Variants in APOOL observed in about 807,000 individuals in gnomAD.
APOOL encodes MICOS complex subunit MIC27.
APOOL carries 12 observed loss-of-function variants against 23.1 expected under a neutral mutation model. The observed-to-expected ratio is 0.52, with a 90% CI of 0.33 to 0.84. The LOEUF (loss-of-function observed/expected upper bound fraction) is 0.84. Among genes scored for constraint, APOOL ranks in the 40% least tolerant of loss-of-function variants. The pLI, the probability that APOOL is intolerant of heterozygous loss-of-function variation, is 0.02. For missense variants in APOOL, 212 were observed against 199.6 expected (o/e 1.06, Z -0.37); for synonymous variants, 77 against 69.9 (o/e 1.10, Z -0.51).
At chrX:85,018,590 A>G (rs1224356704) in intron 1 of APOOL, among the ~76,000 whole-genome samples, 5 of 106,780 alleles carry the variant, frequency 4.7e-5, no homozygotes. Flanking sequence ...TTTTTTTTTT[A>G]TCTTCTCAAT....
rs182130476 is a variant in APOOL at position 85,024,229 on chromosome X, T to C, written c.15+20302T>C. ...GGTAGCTTGGAGAGTGCTTTCACAG[T>C]TCAAGGAGCTTGAGGTTGCCTCATA... On this transcript the variant is annotated intron_variant, in intron 1 of 8. Transcript: ENST00000373173. Among the ~76,000 whole-genome samples, 699 of 112,074 alleles carry C rather than the reference T, an allele frequency of 6.2e-3. 5 individuals are homozygous for C. Among genetic ancestry groups the C allele is most frequent in the African/African-American group, 0.022 (674 of 30,817 alleles).
At chrX:85,030,013 A>T (rs1013018196) in intron 1 of APOOL, among the ~76,000 whole-genome samples, 4 of 112,084 alleles carry the variant, frequency 3.6e-5, no homozygotes, top group African/African-American at 1.3e-4. Flanking sequence ...CTGGGTGTCT[A>T]CCCAAAGGAG....
chrX:85,043,073 C>T (rs968386373), intron 1 of APOOL, among the ~76,000 whole-genome samples: 1 of 110,955 alleles, frequency 9.0e-6, no homozygotes, highest in Non-Finnish European at 1.9e-5. Flanking sequence ...GTGAGTCTTA[C>T]GGGTAAGTTA....
chrX:85,044,216 T>G (rs1922494841), intron 1 of APOOL, among the ~76,000 whole-genome samples: 1 of 110,662 alleles, frequency 9.0e-6, no homozygotes, highest in Admixed American at 9.7e-5. Context: ...GATTCAAGTT[T>G]AGACAGTAAG....
At chrX:85,038,638 G>C (rs1185927821) in intron 1 of APOOL, among the ~76,000 whole-genome samples, 1 of 102,553 alleles carries the variant, frequency 9.8e-6, no homozygotes, top group East Asian at 3.1e-4. Context: ...GTTCAATCTT[G>C]GGTGGTATAT....
intron 1 of APOOL, among the ~76,000 whole-genome samples, chrX:85,015,655 G>A (rs891105231): frequency 4.6e-5 from 5 of 108,302 alleles, no homozygotes; most frequent in Non-Finnish European, 5.7e-5. Context: ...TGCAACCTCC[G>A]CCTCCCGGGT....
At chrX:85,085,815 A>T (rs754031223) in intron 8 of APOOL, among the ~76,000 whole-genome samples, 15 of 111,934 alleles carry the variant, frequency 1.3e-4, no homozygotes, top group Non-Finnish European at 2.1e-4. Flanking sequence ...GTGCATTATC[A>T]TGTTTAGTAC....
chrX:85,074,288 C>A lies in APOOL; in HGVS notation c.615C>A (p.Ser205=). 8.3e-7 allele frequency: 1 copy of A among 1,210,496 alleles called. No individual in the cohort carries two copies. The highest frequency in any genetic ancestry group is 1.1e-6 in the Non-Finnish European group (1 of 894,830). ...PKEKTKLGSS[S]EIEVPAKTTH... is the part of the protein sequence containing the mutation. ...TTGGTAAACAGCTAGGATCCTCTTC[C>A]GAAATAGAAGTACCTGCAAAAACAA... Residue 205 remains serine (S), a synonymous_variant, in exon 8 of 9, where the codon TCC becomes TCA. Coordinates refer to ENST00000373173, the MANE Select transcript of APOOL (RefSeq NM_198450.6).
intron 3 of APOOL, 59 bp from the exon 4 acceptor site, chrX:85,054,285 A>C (rs1341459588): frequency 5.9e-5 from 61 of 1,037,909 alleles, no homozygotes; most frequent in Non-Finnish European, 7.8e-5. Flanking sequence ...AGGCAATTTT[A>C]TCTCATTATC....
At chrX:85,072,066 G>A (rs1425024394) in intron 6 of APOOL, among the ~76,000 whole-genome samples, 5 of 111,646 alleles carry the variant, frequency 4.5e-5, no homozygotes, top group Non-Finnish European at 7.5e-5. Context: ...CTGAGATCAC[G>A]CCACTGTACT....
chrX:85,016,307 T>A (rs1263918839), intron 1 of APOOL, among the ~76,000 whole-genome samples: 1 of 106,715 alleles, frequency 9.4e-6, no homozygotes, highest in Non-Finnish European at 1.9e-5. Flanking sequence ...CCAACCTTGA[T>A]GAGGGTTGCT....
chrX:85,019,256 G>T (rs1226342228), intron 1 of APOOL, among the ~76,000 whole-genome samples: 3 of 107,860 alleles, frequency 2.8e-5, no homozygotes. Context: ...GTTTTAATAA[G>T]TGAGGCCTAT....
At chrX:85,042,795 A>T (rs1428530205) in intron 1 of APOOL, among the ~76,000 whole-genome samples, 1 of 112,118 alleles carries the variant, frequency 8.9e-6, no homozygotes, top group Non-Finnish European at 1.9e-5. Flanking sequence ...CAGATCAGTT[A>T]GTGTGGTACA....
intron 3 of APOOL, among the ~76,000 whole-genome samples, chrX:85,053,345 C>T (rs1922845046): frequency 8.9e-6 from 1 of 111,821 alleles, no homozygotes; most frequent in Non-Finnish European, 1.9e-5. Flanking sequence ...TAGCAGTTAG[C>T]GTTTATGCTG....
At position 85,051,329 on chromosome X, in the gene APOOL, C is replaced by G. The variant is rs752301188; in HGVS notation, c.121-60C>G. The G allele has an allele frequency of 5.3e-4, 618 of 1,167,026 alleles. 5 individuals carry two copies. In the South Asian group the frequency reaches 0.011, roughly 20 times the overall value. On this transcript the variant is annotated intron_variant, in intron 2 of 8. Transcript: ENST00000373173. ...TGATGAGGATTCCTGTTCTGCCATA[C>G]CGCTGTTATGGACAGTCCAGCTATT...
At chrX:85,029,160 A>C (rs1163604628) in intron 1 of APOOL, among the ~76,000 whole-genome samples, 2 of 111,465 alleles carry the variant, frequency 1.8e-5, no homozygotes, top group East Asian at 5.6e-4. Flanking sequence ...AACAATATAC[A>C]AGGGTTCCCT....
At chrX:85,064,111 T>G (rs1942031576) in intron 5 of APOOL, among the ~76,000 whole-genome samples, 1 of 111,037 alleles carries the variant, frequency 9.0e-6, no homozygotes, top group South Asian at 3.8e-4. Context: ...TGGGAGGGTG[T>G]ATGTGTCCAG....
At chrX:85,040,685 A>G (rs370160338) in intron 1 of APOOL, among the ~76,000 whole-genome samples, 1 of 110,805 alleles carries the variant, frequency 9.0e-6, no homozygotes, top group African/African-American at 3.3e-5. Flanking sequence ...TGCTGTTAGT[A>G]CTTCTGATTA....
intron 5 of APOOL, among the ~76,000 whole-genome samples, chrX:85,060,543 C>G (rs1923170153): frequency 9.1e-6 from 1 of 110,396 alleles, no homozygotes; most frequent in Non-Finnish European, 1.9e-5. Flanking sequence ...TTTGTATCCT[C>G]TTTTATTTCA....
Sources: allele counts gnomAD v4.1 joint callset (sites outside exome capture counted in the v4.1 genomes callset), GRCh38; gene constraint gnomAD v4.1.1; transcripts MANE v1.5; gene names NCBI Gene and HGNC (gene_info 2026-07-23, HGNC 2026-07-21).